Variants in ARB2A observed in about 807,000 individuals in gnomAD.
The protein encoded by ARB2A is cotranscriptional regulator ARB2A.
At chr5:93,725,039 T>C in the ARB2A span, among the ~76,000 whole-genome samples, 1 of 152,064 alleles carries the variant, frequency 6.6e-6, no homozygotes, top group Non-Finnish European at 1.5e-5. Flanking sequence ...CAGAGTAGGA[T>C]AGCGTAAGAG....
chr5:94,052,034 T>C, the ARB2A span, among the ~76,000 whole-genome samples: 1 of 152,112 alleles, frequency 6.6e-6, no homozygotes, highest in African/African-American at 2.4e-5. Flanking sequence ...CTGTCCAGGC[T>C]GGTCTTGAAC....
chr5:93,950,163 G>A, the ARB2A span, among the ~76,000 whole-genome samples: 1 of 152,150 alleles, frequency 6.6e-6, no homozygotes, highest in Non-Finnish European at 1.5e-5. Context: ...GAAGAGTGCT[G>A]CAATGAACAT....
chr5:94,068,920 A>G, the ARB2A span, among the ~76,000 whole-genome samples: 1 of 151,272 alleles, frequency 6.6e-6, no homozygotes, highest in Admixed American at 6.6e-5. Context: ...CTGTAATCCC[A>G]GCTACTCAGG....
chr5:93,620,088 AGT>A, the ARB2A span: 1 of 152,350 alleles, frequency 6.6e-6, no homozygotes, highest in South Asian at 2.1e-4. Flanking sequence ...GCAAAACTTA[AGT>A]GTGTTATATC....
At chr5:93,881,868 C>T in the ARB2A span, among the ~76,000 whole-genome samples, 1 of 150,690 alleles carries the variant, frequency 6.6e-6, no homozygotes, top group South Asian at 2.1e-4. Flanking sequence ...AAATTGTTTG[C>T]CTTTATTGTG....
chr5:93,678,882 C>T, the ARB2A span, among the ~76,000 whole-genome samples: 1 of 152,116 alleles, frequency 6.6e-6, no homozygotes. Context: ...TTGAGATGGT[C>T]CCATGTGAAC....
At chr5:93,830,309 GTGTATATA>G in the ARB2A span, among the ~76,000 whole-genome samples, 4 of 49,658 alleles carry the variant, frequency 8.1e-5, 1 homozygote, top group African/African-American at 3.7e-4. Flanking sequence ...ATGTGTGTGT[GTGTATATA>G]TATATATATA....
the ARB2A span, among the ~76,000 whole-genome samples, chr5:93,828,091 T>C: frequency 6.6e-6 from 1 of 152,168 alleles, no homozygotes; most frequent in African/African-American, 2.4e-5. Flanking sequence ...TTTGGTTCCA[T>C]ATGAACTTTA....
chr5:94,050,643 G>A, the ARB2A span: 8 of 868,988 alleles, frequency 9.2e-6, no homozygotes, highest in South Asian at 2.1e-5. Flanking sequence ...TTTGTAGAAA[G>A]AGTGCATAAA....
chr5:93,992,918 A>G, the ARB2A span, among the ~76,000 whole-genome samples: 2 of 152,056 alleles, frequency 1.3e-5, no homozygotes, highest in Non-Finnish European at 2.9e-5. Flanking sequence ...CATTTCAAAA[A>G]TAGATTTTGT....
the ARB2A span, among the ~76,000 whole-genome samples, chr5:94,057,413 T>G: frequency 1.3e-5 from 2 of 152,124 alleles, no homozygotes; most frequent in Non-Finnish European, 2.9e-5. Context: ...TATTGTTTAA[T>G]GGGTATAGGG....
the ARB2A span, among the ~76,000 whole-genome samples, chr5:94,051,965 G>A: frequency 1.5e-4 from 23 of 152,098 alleles, no homozygotes; most frequent in African/African-American, 4.8e-4. Flanking sequence ...GACCACAGGC[G>A]CATGCCACCA....
At chr5:93,847,553 AC>A in the ARB2A span, among the ~76,000 whole-genome samples, 1 of 152,140 alleles carries the variant, frequency 6.6e-6, no homozygotes, top group Admixed American at 6.5e-5. Flanking sequence ...CACTGCATAT[AC>A]TAAAATATAA....
the ARB2A span, among the ~76,000 whole-genome samples, chr5:93,637,446 T>C: frequency 6.6e-6 from 1 of 151,352 alleles, no homozygotes; most frequent in Non-Finnish European, 1.5e-5. Flanking sequence ...TTAATTTCTC[T>C]GGGATAAACT....
chr5:93,867,013 A>C, the ARB2A span, among the ~76,000 whole-genome samples: 1 of 152,202 alleles, frequency 6.6e-6, no homozygotes, highest in African/African-American at 2.4e-5. Flanking sequence ...ATTGCTAAAA[A>C]TTTAGAATAG....
At chr5:93,683,590 GAT>G in the ARB2A span, 1 of 1,462,602 alleles carries the variant, frequency 6.8e-7, no homozygotes, top group Non-Finnish European at 9.5e-7. Context: ...CGTTCTTAAG[GAT>G]AACTGGCGCT....
chr5:93,862,198 TG>T, the ARB2A span: 2 of 152,148 alleles, frequency 1.3e-5, no homozygotes, highest in African/African-American at 4.8e-5. Flanking sequence ...CTTCAAGTAC[TG>T]GAGCTACTAT....
chr5:93,750,243 T>C, the ARB2A span, among the ~76,000 whole-genome samples: 1 of 152,206 alleles, frequency 6.6e-6, no homozygotes, highest in East Asian at 1.9e-4. Context: ...GATTAACTAA[T>C]TGGTAAAATA....
chr5:93,709,149 T>A, the ARB2A span, among the ~76,000 whole-genome samples: 3 of 151,726 alleles, frequency 2.0e-5, no homozygotes, highest in African/African-American at 2.4e-5. Context: ...CTTGAATATA[T>A]ACAATTTTTG....
Sources: allele counts gnomAD v4.1 joint callset (sites outside exome capture counted in the v4.1 genomes callset), GRCh38; gene constraint gnomAD v4.1.1; transcripts MANE v1.5; gene names NCBI Gene and HGNC (gene_info 2026-07-23, HGNC 2026-07-21).